Variants in NPAS3 observed in about 807,000 individuals in gnomAD.
The protein encoded by NPAS3 is neuronal PAS domain-containing protein 3.
A neutral mutation model predicts 73.1 loss-of-function variants in NPAS3; 14 were observed. The observed-to-expected ratio is 0.19, with a 90% CI of 0.13 to 0.30. NPAS3 has a LOEUF of 0.30. Among genes scored for constraint, NPAS3 ranks in the 10% least tolerant of loss-of-function variants. The probability of loss-of-function intolerance (pLI) is 1.00; values close to 1 mark genes in which losing one functional copy is unlikely to be tolerated. For synonymous variants in NPAS3, 620 were observed against 541.5 expected (o/e 1.14, Z -2.01); for missense variants, 1,096 against 1,250.0 (o/e 0.88, Z 1.86).
At chr14:33,696,226 A>G (rs1804944442) in intron 6 of NPAS3, among the ~76,000 whole-genome samples, 1 of 152,136 alleles carries the variant, frequency 6.6e-6, no homozygotes, top group Non-Finnish European at 1.5e-5. Context: ...CTCACCACTT[A>G]CTATGTGCTA....
chr14:33,290,260 G>A (rs1445226061), intron 3 of NPAS3, among the ~76,000 whole-genome samples: 4 of 152,128 alleles, frequency 2.6e-5, no homozygotes, highest in East Asian at 1.9e-4. Context: ...AGACACTAGA[G>A]ATATGAGCAT....
At chr14:33,321,032 A>C (rs905153101) in intron 3 of NPAS3, among the ~76,000 whole-genome samples, 1 of 152,086 alleles carries the variant, frequency 6.6e-6, no homozygotes, top group East Asian at 1.9e-4. Flanking sequence ...AAAGCACCAC[A>C]CTAAGATGAG....
chr14:33,230,397 T>A (rs981362295), intron 3 of NPAS3, among the ~76,000 whole-genome samples: 3 of 152,188 alleles, frequency 2.0e-5, no homozygotes, highest in African/African-American at 7.2e-5. Flanking sequence ...AACCCACGGA[T>A]GGAGTTAAGA....
At chr14:33,344,483 C>T (rs1188859196) in intron 3 of NPAS3, among the ~76,000 whole-genome samples, 2 of 152,126 alleles carry the variant, frequency 1.3e-5, no homozygotes, top group South Asian at 4.1e-4. Context: ...CTGTAATCTC[C>T]ATGAAGGCAG....
chr14:33,637,255 G>A (rs964581846), intron 5 of NPAS3, among the ~76,000 whole-genome samples: 6 of 151,934 alleles, frequency 3.9e-5, no homozygotes, highest in South Asian at 2.1e-4. Context: ...TTTCTTCTTC[G>A]ATACTGAAAT....
chr14:33,271,356 A>G (rs2041068980), intron 3 of NPAS3, among the ~76,000 whole-genome samples: 1 of 152,106 alleles, frequency 6.6e-6, no homozygotes, highest in Non-Finnish European at 1.5e-5. Context: ...AGAGAGTAGT[A>G]TTTAGGTCTC....
intron 4 of NPAS3, among the ~76,000 whole-genome samples, chr14:33,520,225 C>G (rs2053495750): frequency 6.6e-6 from 1 of 152,066 alleles, no homozygotes; most frequent in Admixed American, 6.6e-5. Context: ...GAGTGTTTCT[C>G]CGGGTTATAT....
intron 5 of NPAS3, among the ~76,000 whole-genome samples, chr14:33,591,863 C>G (rs1476435455): frequency 6.6e-6 from 1 of 152,142 alleles, no homozygotes; most frequent in African/African-American, 2.4e-5. Flanking sequence ...AGAGAAAGAA[C>G]AATCTGTGGC....
intron 5 of NPAS3, among the ~76,000 whole-genome samples, chr14:33,567,363 G>A (rs571412776): frequency 6.6e-6 from 1 of 152,348 alleles, no homozygotes; most frequent in East Asian, 1.9e-4. Context: ...GATTCAGAAA[G>A]TAGGATTTAT....
intron 1 of NPAS3, among the ~76,000 whole-genome samples, chr14:32,977,978 TA>T (rs1244066082): frequency 6.6e-6 from 1 of 152,228 alleles, no homozygotes; most frequent in Non-Finnish European, 1.5e-5. Context: ...TAGCTACTAC[TA>T]ATAATATTGA....
upstream of NPAS3, chr14:32,935,013 C>G: frequency 7.7e-7 from 1 of 1,305,568 alleles, no homozygotes; most frequent in Non-Finnish European, 9.8e-7. Context: ...GGTGAGTAGT[C>G]CCGCCTGGGC....
At chr14:33,358,067 T>A (rs2045418883) in intron 3 of NPAS3, among the ~76,000 whole-genome samples, 1 of 152,152 alleles carries the variant, frequency 6.6e-6, no homozygotes, top group African/African-American at 2.4e-5. Flanking sequence ...AAGCACATCC[T>A]GGAAATGGAG....
intron 7 of NPAS3, among the ~76,000 whole-genome samples, chr14:33,754,278 A>T (rs2062049720): frequency 6.6e-6 from 1 of 152,134 alleles, no homozygotes; most frequent in African/African-American, 2.4e-5. Flanking sequence ...GGATGGAATA[A>T]AGTGTGATTG....
At chr14:33,470,353 T>C (rs2050727475) in intron 4 of NPAS3, among the ~76,000 whole-genome samples, 1 of 152,186 alleles carries the variant, frequency 6.6e-6, no homozygotes, top group Non-Finnish European at 1.5e-5. Flanking sequence ...GAAAACACAA[T>C]CTTCCAGAGT....
At chr14:33,743,026 A>G (rs1052993142) in intron 7 of NPAS3, among the ~76,000 whole-genome samples, 11 of 152,282 alleles carry the variant, frequency 7.2e-5, no homozygotes, top group Middle Eastern at 3.4e-3. Flanking sequence ...TCTTCCCTCC[A>G]CTGAAGTCTT....
At chr14:33,717,855 C>T (rs1012543000) in intron 6 of NPAS3, among the ~76,000 whole-genome samples, 2 of 152,150 alleles carry the variant, frequency 1.3e-5, no homozygotes, top group Admixed American at 1.3e-4. Flanking sequence ...ATGTAAATCA[C>T]CTGGCATTAA....
At chr14:33,646,257 A>G (rs1253710787) in intron 5 of NPAS3, among the ~76,000 whole-genome samples, 2 of 152,238 alleles carry the variant, frequency 1.3e-5, no homozygotes, top group East Asian at 1.9e-4. Flanking sequence ...TTTACTCATC[A>G]TATATGGAAC....
chr14:33,142,806 A>G (rs2044101809), intron 2 of NPAS3, among the ~76,000 whole-genome samples: 1 of 152,176 alleles, frequency 6.6e-6, no homozygotes, highest in Non-Finnish European at 1.5e-5. Context: ...AGTTCTCTTG[A>G]TTTCAATAGA....
intron 3 of NPAS3, among the ~76,000 whole-genome samples, chr14:33,334,695 T>C (rs1298596778): frequency 6.7e-6 from 1 of 148,766 alleles, no homozygotes; most frequent in Non-Finnish European, 1.5e-5. Flanking sequence ...AATTTTAATT[T>C]TAATTTTTTT....
Sources: allele counts gnomAD v4.1 joint callset (sites outside exome capture counted in the v4.1 genomes callset), GRCh38; gene constraint gnomAD v4.1.1; transcripts MANE v1.5; gene names NCBI Gene and HGNC (gene_info 2026-07-23, HGNC 2026-07-21).